DCC: variants seen among roughly 807,000 people sequenced by gnomAD.
DCC encodes netrin receptor DCC.
A neutral mutation model predicts 172.5 loss-of-function variants in DCC; 58 were observed. The observed-to-expected ratio is 0.34, with a 90% CI of 0.27 to 0.42. DCC has a LOEUF of 0.42. Among genes scored for constraint, DCC ranks in the 10% least tolerant of loss-of-function variants. The pLI is 1.00. For synonymous variants in DCC, 709 were observed against 644.5 expected, an observed-to-expected ratio of 1.10 and a Z score of -1.52; for missense variants, 1,740 against 1,791.0, an observed-to-expected ratio of 0.97 and a Z score of 0.51.
chr18:53,362,083 T>C (rs762307243), intron 15 of DCC, among the ~76,000 whole-genome samples: 3 of 152,196 alleles, frequency 2.0e-5, no homozygotes, highest in Non-Finnish European at 4.4e-5. Context: ...ATGATGGTAA[T>C]GATACAATAA....
chr18:52,490,737 G>A (rs1219510303), intron 1 of DCC, among the ~76,000 whole-genome samples: 1 of 152,018 alleles, frequency 6.6e-6, no homozygotes, highest in Non-Finnish European at 1.5e-5. Context: ...GGTAACATTT[G>A]GATTGCATAG....
intron 7 of DCC, among the ~76,000 whole-genome samples, chr18:53,122,058 T>C (rs2144291146): frequency 6.6e-6 from 1 of 152,158 alleles, no homozygotes; most frequent in East Asian, 1.9e-4. Context: ...AGTGAATTTA[T>C]TCAATTATTT....
At chr18:52,780,246 C>T (rs1053606113) in intron 2 of DCC, among the ~76,000 whole-genome samples, 1 of 152,090 alleles carries the variant, frequency 6.6e-6, no homozygotes, top group South Asian at 2.1e-4. Flanking sequence ...ATTGACACAA[C>T]CCAGGAATCT....
chr18:53,437,980 T>C (rs529611359), intron 22 of DCC, among the ~76,000 whole-genome samples: 7 of 152,246 alleles, frequency 4.6e-5, no homozygotes, highest in Non-Finnish European at 8.8e-5. Context: ...CCTAGAGATA[T>C]ATAGCAGGGT....
intron 7 of DCC, among the ~76,000 whole-genome samples, chr18:53,121,495 G>A (rs1051210935): frequency 2.0e-5 from 3 of 151,852 alleles, no homozygotes; most frequent in East Asian, 2.0e-4. Flanking sequence ...GATATATTAC[G>A]TAAACTTCCA....
At chr18:53,468,362 A>ATTTATTTATTTATTTATTTG in intron 25 of DCC, among the ~76,000 whole-genome samples, 1 of 10,876 alleles carries the variant, frequency 9.2e-5, no homozygotes, top group Middle Eastern at 0.05. Flanking sequence ...TTATTTATTT[A>ATTTATTTATTTATTTATTTG]TTTTATTTAT....
intron 7 of DCC, among the ~76,000 whole-genome samples, chr18:53,067,962 A>T (rs978009276): frequency 6.6e-6 from 1 of 152,226 alleles, no homozygotes; most frequent in African/African-American, 2.4e-5. Flanking sequence ...GTGCTCACAA[A>T]GATGACTTTC....
intron 1 of DCC, among the ~76,000 whole-genome samples, chr18:52,618,454 T>A (rs766225259): frequency 3.9e-5 from 6 of 152,208 alleles, no homozygotes; most frequent in Non-Finnish European, 5.9e-5. Context: ...TTCGACCCAT[T>A]GGTCCCTAGC....
At chr18:52,759,628 T>C (rs1599081582) in intron 2 of DCC, among the ~76,000 whole-genome samples, 3 of 152,200 alleles carry the variant, frequency 2.0e-5, no homozygotes, top group Admixed American at 6.5e-5. Flanking sequence ...AAAACTCTTT[T>C]GAATTTTAGA....
chr18:53,135,394 G>T (rs2043725298), intron 7 of DCC, among the ~76,000 whole-genome samples: 1 of 152,094 alleles, frequency 6.6e-6, no homozygotes, highest in African/African-American at 2.4e-5. Flanking sequence ...GATAATAAGG[G>T]AAAGAATGCC....
chr18:52,842,167 A>G (rs1304802203), intron 2 of DCC, among the ~76,000 whole-genome samples: 1 of 152,160 alleles, frequency 6.6e-6, no homozygotes, highest in Non-Finnish European at 1.5e-5. Context: ...GCTTCCTTTC[A>G]AACATAATTT....
Position 53,530,898 on chromosome 18 carries a change from A to G in DCC, c.*245A>G. On this transcript the variant is annotated 3_prime_UTR_variant, in exon 29 of 29. Coordinates refer to ENST00000442544, the MANE Select transcript of DCC (RefSeq NM_005215.4). ...AAAAGCAAAGATGCATTTTCACTGC[A>G]ATGTCAAAGTTTAAGCTGCTAGAAT... 1 of 589,366 alleles carries G rather than the reference A, an allele frequency of 1.7e-6. No individual in the cohort carries two copies. Among genetic ancestry groups the G allele is most frequent in the South Asian group, 1.9e-5 (1 of 52,030 alleles). The allele number at this position is 589,366 out of a possible 1,614,324, so 36.5% of individuals were successfully genotyped here.
intron 12 of DCC, among the ~76,000 whole-genome samples, chr18:53,218,702 C>A (rs971667663): frequency 1.3e-5 from 2 of 152,004 alleles, no homozygotes; most frequent in African/African-American, 4.8e-5. Context: ...GAAATAGTAT[C>A]TTTTCCAGAA....
At chr18:52,803,320 C>T (rs1194351578) in intron 2 of DCC, among the ~76,000 whole-genome samples, 1 of 152,148 alleles carries the variant, frequency 6.6e-6, no homozygotes, top group Non-Finnish European at 1.5e-5. Flanking sequence ...CATCACACGG[C>T]ATTTTAAGTG....
intron 2 of DCC, among the ~76,000 whole-genome samples, chr18:52,827,735 ATATTTC>A (rs1408751129): frequency 1.3e-5 from 2 of 152,188 alleles, no homozygotes; most frequent in Non-Finnish European, 2.9e-5. Flanking sequence ...CTCTAGAAAA[ATATTTC>A]TAGTTCATTT....
chr18:52,454,177 A>G (rs145687838), intron 1 of DCC, among the ~76,000 whole-genome samples: 21 of 152,222 alleles, frequency 1.4e-4, no homozygotes, highest in East Asian at 1.9e-4. Context: ...TTTTGCTATA[A>G]TTTTTTTACA....
chr18:53,280,017 TC>T (rs1191986623), intron 12 of DCC, among the ~76,000 whole-genome samples: 1 of 152,030 alleles, frequency 6.6e-6, no homozygotes, highest in Admixed American at 6.6e-5. Flanking sequence ...GACAAAATAA[TC>T]TATACCAAGC....
At chr18:53,093,447 G>A (rs950872608) in intron 7 of DCC, among the ~76,000 whole-genome samples, 1 of 152,180 alleles carries the variant, frequency 6.6e-6, no homozygotes, top group South Asian at 2.1e-4. Flanking sequence ...GTTGATTTGG[G>A]AAAATGATCA....
chr18:52,393,201 A>T (rs1039899972), intron 1 of DCC, among the ~76,000 whole-genome samples: 3 of 152,132 alleles, frequency 2.0e-5, no homozygotes, highest in Admixed American at 6.5e-5. Context: ...TTAACTATGA[A>T]ATGAAAGAAT....
Sources: gnomAD v4.1 joint callset for allele counts (sites outside exome capture counted in the v4.1 genomes callset) on GRCh38, gnomAD v4.1.1 for gene constraint, MANE v1.5 for transcripts, NCBI Gene and HGNC (gene_info 2026-07-23, HGNC 2026-07-21) for gene names.